DLG2: variants seen among roughly 807,000 people sequenced by gnomAD.
DLG2 encodes the protein disks large homolog 2.
DLG2 carries 45 observed loss-of-function variants against 132.5 expected under a neutral mutation model. The observed-to-expected ratio is 0.34, with a 90% CI of 0.27 to 0.44. DLG2 has a LOEUF of 0.44. DLG2 is among the 20% of genes least tolerant of loss of function. DLG2 has a pLI of 1.00. For missense variants in DLG2, 1,045 were observed against 1,196.9 expected (o/e 0.87, Z 1.87); for synonymous variants, 424 against 419.6 (o/e 1.01, Z -0.13).
chr11:83,908,821 A>G (rs790355), intron 15 of DLG2, among the ~76,000 whole-genome samples: 28,480 of 152,032 alleles, frequency 0.19, 3,204 homozygotes, highest in Middle Eastern at 0.27. Flanking sequence ...GTAACCTCGA[A>G]CTCCTAGGCT....
chr11:83,694,397 G>A (rs752618123), intron 18 of DLG2, among the ~76,000 whole-genome samples: 16 of 152,136 alleles, frequency 1.1e-4, no homozygotes, highest in Admixed American at 2.6e-4. Flanking sequence ...CCCCGGCCCT[G>A]GAGACTAGCC....
intron 3 of DLG2, among the ~76,000 whole-genome samples, chr11:85,360,151 T>A (rs1057432037): frequency 6.6e-6 from 1 of 152,158 alleles, no homozygotes; most frequent in African/African-American, 2.4e-5. Flanking sequence ...GTGGTATGAT[T>A]TTTAACACAC....
intron 3 of DLG2, among the ~76,000 whole-genome samples, chr11:85,437,311 T>TAAA (rs111269575): frequency 1.6e-5 from 2 of 127,270 alleles, no homozygotes; most frequent in African/African-American, 5.7e-5. Context: ...GAACTTAAAG[T>TAAA]AAAAAAAAAA....
intron 19 of DLG2, among the ~76,000 whole-genome samples, chr11:83,606,803 T>A (rs759713787): frequency 6.6e-6 from 1 of 152,018 alleles, no homozygotes; most frequent in Admixed American, 6.6e-5. Flanking sequence ...GGCGGGCGCC[T>A]GTGGTCCCAG....
At chr11:83,984,780 A>G (rs868426992) in intron 11 of DLG2, among the ~76,000 whole-genome samples, 1 of 152,316 alleles carries the variant, frequency 6.6e-6, no homozygotes, top group Non-Finnish European at 1.5e-5. Context: ...TAATGATCAA[A>G]TCAGGATAAT....
chr11:85,479,165 T>G (rs1167574138), intron 3 of DLG2, among the ~76,000 whole-genome samples: 1 of 152,200 alleles, frequency 6.6e-6, no homozygotes, highest in African/African-American at 2.4e-5. Context: ...CTTAGTCCAT[T>G]TGGGCTACTA....
intron 3 of DLG2, among the ~76,000 whole-genome samples, chr11:85,364,773 T>C (rs2084411033): frequency 6.6e-6 from 1 of 152,206 alleles, no homozygotes; most frequent in Non-Finnish European, 1.5e-5. Context: ...AAGCATGACA[T>C]AGAATGTGAT....
At chr11:84,955,454 T>G (rs1194704410) in intron 6 of DLG2, 3 of 152,148 alleles carry the variant, frequency 2.0e-5, no homozygotes, top group Non-Finnish European at 2.9e-5. Context: ...CTTAATCATA[T>G]TTTATAGCCT....
intron 6 of DLG2, among the ~76,000 whole-genome samples, chr11:84,684,745 T>C (rs1229509406): frequency 6.6e-6 from 1 of 152,200 alleles, no homozygotes; most frequent in Non-Finnish European, 1.5e-5. Flanking sequence ...ACCAAATAAA[T>C]AAATCACTAT....
At chr11:84,774,505 A>G (rs2070058372) in intron 6 of DLG2, among the ~76,000 whole-genome samples, 2 of 152,198 alleles carry the variant, frequency 1.3e-5, no homozygotes, top group Non-Finnish European at 2.9e-5. Flanking sequence ...ATCCTAAGCA[A>G]AAAGAACAAA....
chr11:83,541,853 A>G lies in DLG2; in HGVS notation c.1946T>C (p.Met649Thr). ...NQKRSLYVRAMFDYDKSKDSG... is the reference protein window; with the variant it reads ...NQKRSLYVRATFDYDKSKDSG... The stretch of plus-strand genomic sequence containing the variant: ...GTCCTTGCTCTTGTCGTAGTCGAAC[A>G]TGGCTCTGGAGGAAAGGACAAAAGA... The change falls in exon 20 of 28, where the codon ATG becomes ACG. Residue 649 changes from methionine (M) to threonine (T), a missense_variant. Around this residue, in one of 4 missense-constraint regions of DLG2, gnomAD observed 398 missense variants for 543.6 expected, o/e 0.73. Coordinates refer to ENST00000376104, the MANE Select transcript of DLG2 (RefSeq NM_001142699.3). The G allele has an allele frequency of 6.2e-7, 1 of 1,604,586 alleles. No homozygotes were observed. The highest frequency in any genetic ancestry group is 8.5e-7 in the Non-Finnish European group (1 of 1,175,096).
intron 7 of DLG2, among the ~76,000 whole-genome samples, chr11:84,480,904 G>A (rs962579003): frequency 2.0e-5 from 3 of 151,690 alleles, no homozygotes; most frequent in African/African-American, 7.3e-5. Flanking sequence ...ATGCCTGGTT[G>A]ATTTTTGTAT....
rs576983659 is a variant in DLG2 at position 85,554,348 on chromosome 11, T to C, written c.40+44309A>G. 6.6e-5 allele frequency among the ~76,000 whole-genome samples: 10 copies of C among 151,918 alleles called. No individual in the cohort carries two copies. The South Asian group carries it at 1.5e-3, about 22-fold the overall frequency. ...AAGTAGAGATTTAAAAATCAGAAGA[T>C]AATATTATGAACTAACTTAAGCCAA... On this transcript the variant is annotated intron_variant, in intron 3 of 27. Transcript: ENST00000376104.
intron 12 of DLG2, among the ~76,000 whole-genome samples, chr11:83,969,423 C>T (rs955770606): frequency 1.3e-5 from 2 of 152,312 alleles, no homozygotes; most frequent in Middle Eastern, 3.4e-3. Context: ...CATCCTAATA[C>T]ACTGACCAGT....
In DLG2 at chr11:83,743,429, A is replaced by ATTTTTTTTTTTTTTTTTTTTT. The variant is rs35572754; in HGVS notation, c.1825+43260_1825+43261insAAAAAAAAAAAAAAAAAAAAA. On this transcript the variant is annotated intron_variant, in intron 18 of 27. Coordinates refer to ENST00000376104, the MANE Select transcript of DLG2 (RefSeq NM_001142699.3). ...CAATGTACATAACAGTGGGCAGGCC[A>ATTTTTTTTTTTTTTTTTTTTT]TTTTTTTTTTTTTTTTTTTTATGAC... Among the ~76,000 whole-genome samples the ATTTTTTTTTTTTTTTTTTTTT allele has an allele frequency of 1.9e-5, 2 of 103,836 alleles. 1 individual carries two copies. Among genetic ancestry groups the ATTTTTTTTTTTTTTTTTTTTT allele is most frequent in the African/African-American group, 1.2e-4 (2 of 17,316 alleles). 68.1% of individuals were successfully genotyped at this position (103,836 alleles called of 152,430 possible). A position where few individuals can be genotyped will look rare whatever the true frequency, so the allele number is the denominator to read the frequency against.
intron 3 of DLG2, among the ~76,000 whole-genome samples, chr11:85,436,056 T>A (rs2091462493): frequency 6.6e-6 from 1 of 151,920 alleles, no homozygotes; most frequent in African/African-American, 2.4e-5. Context: ...AAACAAAAAA[T>A]GAGTAAAGGA....
intron 5 of DLG2, among the ~76,000 whole-genome samples, chr11:85,128,616 C>T (rs967739383): frequency 1.3e-5 from 2 of 152,144 alleles, no homozygotes; most frequent in Non-Finnish European, 1.5e-5. Context: ...ATTCTGCCTG[C>T]GATCCAGAAC....
intron 6 of DLG2, among the ~76,000 whole-genome samples, chr11:84,641,992 T>G (rs2099667190): frequency 6.8e-6 from 1 of 147,968 alleles, no homozygotes; most frequent in South Asian, 2.2e-4. Flanking sequence ...TGTGTATGTG[T>G]GTGTGGATAT....
intron 6 of DLG2, among the ~76,000 whole-genome samples, chr11:84,664,784 G>A (rs1029408148): frequency 6.6e-6 from 1 of 152,064 alleles, no homozygotes; most frequent in East Asian, 1.9e-4. Flanking sequence ...CCAGCACCCT[G>A]TACAAAATAA....
Sources: allele counts gnomAD v4.1 joint callset (sites outside exome capture counted in the v4.1 genomes callset), GRCh38; gene constraint gnomAD v4.1.1; regional missense constraint gnomAD v4.1.1; transcripts MANE v1.5; gene names NCBI Gene and HGNC (gene_info 2026-07-23, HGNC 2026-07-21).